SAMMSON: variants seen among roughly 807,000 people sequenced by gnomAD.
SAMMSON encodes survival associated mitochondrial melanoma specific oncogenic non-coding RNA.
chr3:70,359,147 A>T (rs1575633150), intron 9 of SAMMSON, among the ~76,000 whole-genome samples: 2 of 152,244 alleles, frequency 1.3e-5, no homozygotes, highest in East Asian at 3.9e-4. Context: ...AAAAATGATT[A>T]TTCTTGCTTG....
At chr3:70,061,781 C>G (rs945469161) in intron 3 of SAMMSON, among the ~76,000 whole-genome samples, 1 of 152,160 alleles carries the variant, frequency 6.6e-6, no homozygotes, top group Non-Finnish European at 1.5e-5. Context: ...CTTATGCCTT[C>G]AGCATCTCTG....
At chr3:70,156,411 ACAGT>A (rs1378612892) in intron 4 of SAMMSON, among the ~76,000 whole-genome samples, 1 of 152,090 alleles carries the variant, frequency 6.6e-6, no homozygotes, top group Non-Finnish European at 1.5e-5. Flanking sequence ...AGTCACACAC[ACAGT>A]CAGTGTTCAG....
intron 4 of SAMMSON, among the ~76,000 whole-genome samples, chr3:70,138,579 A>G (rs1166616848): frequency 2.0e-5 from 3 of 152,264 alleles, no homozygotes; most frequent in Non-Finnish European, 2.9e-5. Context: ...ATGGGGGGAC[A>G]TAAACATTTA....
chr3:70,230,507 TA>T (rs1701548331), intron 4 of SAMMSON, among the ~76,000 whole-genome samples: 1 of 152,160 alleles, frequency 6.6e-6, no homozygotes, highest in Non-Finnish European at 1.5e-5. Context: ...ATCATATATA[TA>T]TATATACAGT....
At chr3:70,241,259 A>C (rs1477767106) in intron 4 of SAMMSON, among the ~76,000 whole-genome samples, 1 of 152,158 alleles carries the variant, frequency 6.6e-6, no homozygotes, top group Non-Finnish European at 1.5e-5. Context: ...GTCTTTATAT[A>C]CTGGAGGCAA....
At chr3:70,305,662 C>T (rs9821744) in intron 7 of SAMMSON, among the ~76,000 whole-genome samples, 31,387 of 152,002 alleles carry the variant, frequency 0.21, 3,415 homozygotes, top group South Asian at 0.28. Context: ...CTGAGTTGAA[C>T]AAAATGCATA....
chr3:70,416,344 A>G (rs1701264695), intron 2 of SAMMSON, among the ~76,000 whole-genome samples: 1 of 152,190 alleles, frequency 6.6e-6, no homozygotes, highest in Admixed American at 6.5e-5. Context: ...TTATATGCCA[A>G]TGATGTTTAA....
chr3:70,109,185 G>C (rs2067378975), intron 4 of SAMMSON, among the ~76,000 whole-genome samples: 1 of 152,074 alleles, frequency 6.6e-6, no homozygotes, highest in Non-Finnish European at 1.5e-5. Flanking sequence ...TGAGACATCT[G>C]CTATTGAAAT....
chr3:70,124,836 A>AAAAC (rs1559519155), intron 4 of SAMMSON, among the ~76,000 whole-genome samples: 11 of 148,896 alleles, frequency 7.4e-5, no homozygotes, highest in African/African-American at 2.5e-4. Context: ...AAAAAAAAAA[A>AAAAC]AAAGAAAGAA....
At chr3:70,427,767 A>C (rs145426236) in intron 2 of SAMMSON, among the ~76,000 whole-genome samples, 2 of 151,554 alleles carry the variant, frequency 1.3e-5, no homozygotes, top group East Asian at 1.9e-4. Flanking sequence ...TGTCCAAAAG[A>C]TCTCTCTAAT....
At chr3:70,294,949 T>C (rs560007647) in intron 7 of SAMMSON, among the ~76,000 whole-genome samples, 36 of 152,252 alleles carry the variant, frequency 2.4e-4, no homozygotes, top group African/African-American at 8.2e-4. Context: ...AACTCACCTC[T>C]CCTGAAGCAA....
chr3:70,205,165 T>C (rs1335075241), intron 4 of SAMMSON: 2 of 152,092 alleles, frequency 1.3e-5, no homozygotes, highest in African/African-American at 4.8e-5. Flanking sequence ...TTAGAAATTT[T>C]ACATAACACT....
At chr3:70,000,455 A>G (rs1303109852) in intron 1 of SAMMSON, among the ~76,000 whole-genome samples, 1 of 152,204 alleles carries the variant, frequency 6.6e-6, no homozygotes, top group African/African-American at 2.4e-5. Context: ...TTCCTCTTTC[A>G]CCCACATTTT....
chr3:70,083,204 T>C (rs540060876), intron 4 of SAMMSON, among the ~76,000 whole-genome samples: 2 of 152,206 alleles, frequency 1.3e-5, no homozygotes, highest in African/African-American at 2.4e-5. Flanking sequence ...TTTGCCAGAA[T>C]TGGCCGTCTT....
chr3:70,344,162 A>G (rs1702732533), intron 7 of SAMMSON, among the ~76,000 whole-genome samples: 1 of 152,074 alleles, frequency 6.6e-6, no homozygotes, highest in Admixed American at 6.6e-5. Flanking sequence ...CCTAAATAAG[A>G]ACAGGCATTC....
chr3:70,351,841 C>T (rs1702797012), intron 7 of SAMMSON, among the ~76,000 whole-genome samples: 1 of 152,108 alleles, frequency 6.6e-6, no homozygotes, highest in Non-Finnish European at 1.5e-5. Context: ...CTCTACTCCA[C>T]CATAACAGCA....
chr3:70,001,465 T>G (rs1369281978), intron 1 of SAMMSON, among the ~76,000 whole-genome samples: 1 of 151,960 alleles, frequency 6.6e-6, no homozygotes, highest in Non-Finnish European at 1.5e-5. Context: ...TTTTTTTTTT[T>G]TTTAAGAATA....
chr3:70,107,812 C>T (rs2067373090), intron 4 of SAMMSON, among the ~76,000 whole-genome samples: 1 of 151,970 alleles, frequency 6.6e-6, no homozygotes, highest in African/African-American at 2.4e-5. Context: ...TGAAGGGACC[C>T]AGATACATGG....
chr3:70,431,380 C>T (rs1043157380), intron 2 of SAMMSON, among the ~76,000 whole-genome samples: 1 of 151,948 alleles, frequency 6.6e-6, no homozygotes, highest in Admixed American at 6.6e-5. Context: ...ATGTCTGACA[C>T]TTTAGAACAC....
Sources: allele counts gnomAD v4.1 joint callset (sites outside exome capture counted in the v4.1 genomes callset), GRCh38; gene constraint gnomAD v4.1.1; transcripts MANE v1.5; gene names NCBI Gene and HGNC (gene_info 2026-07-23, HGNC 2026-07-21).